PTPRN2: variants seen among roughly 807,000 people sequenced by gnomAD.
The protein encoded by PTPRN2 is receptor-type tyrosine-protein phosphatase N2.
Under a neutral mutation model 118.8 loss-of-function variants are expected in PTPRN2, and 74 were observed. The observed-to-expected ratio is 0.62, with a 90% CI of 0.52 to 0.76. The LOEUF is 0.76. PTPRN2 is among the 30% of genes least tolerant of loss of function. The pLI is 0.00. For synonymous variants in PTPRN2, 641 were observed against 608.0 expected (o/e 1.05, Z -0.80); for missense variants, 1,481 against 1,394.4 (o/e 1.06, Z -0.99).
intron 10 of PTPRN2, among the ~76,000 whole-genome samples, chr7:158,107,082 T>C (rs1197476405): frequency 6.6e-6 from 1 of 152,124 alleles, no homozygotes; most frequent in African/African-American, 2.4e-5. Flanking sequence ...ACATGCACAC[T>C]TGTCTCTGTT....
Position 158,207,182 on chromosome 7 carries a change from C to T in PTPRN2, c.278-1909G>A, listed in dbSNP as rs547835155. On this transcript the variant is annotated intron_variant, in intron 3 of 22. Transcript: ENST00000389418. Reference sequence around the variant, plus strand: ...CATAGTATTCCATGGTGTATATGTGCCACATTTTCTTAATCCGGTCTATCA... The same window carrying T: ...CATAGTATTCCATGGTGTATATGTGTCACATTTTCTTAATCCGGTCTATCA... Among the ~76,000 whole-genome samples the T allele has an allele frequency of 7.0e-3, 1,000 of 142,406 alleles. 31 individuals carry two copies. The highest frequency in any genetic ancestry group is 0.048 in the Admixed American group (678 of 14,202). The allele number at this position is 142,406 out of a possible 152,430, so 93.4% of individuals were successfully genotyped here. A position where few individuals can be genotyped will look rare whatever the true frequency, so the allele number is the denominator to read the frequency against.
chr7:158,070,760 TGGAGGTGCTCATG>T (rs1811272595), intron 11 of PTPRN2, among the ~76,000 whole-genome samples: 1 of 99,892 alleles, frequency 1.0e-5, no homozygotes, highest in African/African-American at 4.5e-5. Flanking sequence ...CCCGTGGTGG[TGGAGGTGCTCATG>T]GTGGAGGTGC....
chr7:157,614,219 T>C (rs1283495547), intron 15 of PTPRN2: 2 of 426,866 alleles, frequency 4.7e-6, no homozygotes, highest in Non-Finnish European at 9.7e-6. Flanking sequence ...CTGTGGCCCG[T>C]GGCAAGGTCG....
At chr7:157,872,628 T>A (rs1455493428) in intron 12 of PTPRN2, among the ~76,000 whole-genome samples, 1 of 152,266 alleles carries the variant, frequency 6.6e-6, no homozygotes, top group Non-Finnish European at 1.5e-5. Flanking sequence ...GCCTCCTTGG[T>A]TTCCCGGTAT....
chr7:157,597,072 A>G (rs1563247111), intron 16 of PTPRN2, among the ~76,000 whole-genome samples: 1 of 152,186 alleles, frequency 6.6e-6, no homozygotes, highest in African/African-American at 2.4e-5. Flanking sequence ...TGTCAGCACA[A>G]AAGAAGGCAC....
intron 4 of PTPRN2, among the ~76,000 whole-genome samples, chr7:158,203,166 A>T (rs750531323): frequency 7.0e-5 from 9 of 128,424 alleles, no homozygotes; most frequent in Non-Finnish European, 1.4e-4. Flanking sequence ...CAAGAGGTGG[A>T]GGCTGTAGTG....
intron 1 of PTPRN2, among the ~76,000 whole-genome samples, chr7:158,518,313 G>A (rs770356591): frequency 6.6e-6 from 1 of 151,874 alleles, no homozygotes; most frequent in Non-Finnish European, 1.5e-5. Flanking sequence ...CGGATTTCAC[G>A]GGGTGGGAGA....
intron 11 of PTPRN2, among the ~76,000 whole-genome samples, chr7:158,071,733 G>GTGGTGGAGGTGCTCC (rs1563393166): frequency 4.0e-5 from 5 of 124,546 alleles, no homozygotes; most frequent in Non-Finnish European, 7.9e-5. Flanking sequence ...GGTGCTCGTG[G>GTGGTGGAGGTGCTCC]TGGTGGAGGT....
chr7:157,558,016 G>C (rs1193348045), intron 21 of PTPRN2, among the ~76,000 whole-genome samples: 1 of 141,592 alleles, frequency 7.1e-6, no homozygotes, highest in African/African-American at 2.6e-5. Context: ...TACTGTTGAG[G>C]TGCTGGCAGC....
intron 2 of PTPRN2, among the ~76,000 whole-genome samples, chr7:158,340,661 G>T (rs1366383830): frequency 2.1e-5 from 2 of 96,082 alleles, no homozygotes; most frequent in East Asian, 6.6e-4. Context: ...GCCCGCAGAC[G>T]TCACTCACAC....
intron 12 of PTPRN2, among the ~76,000 whole-genome samples, chr7:157,826,535 C>T (rs1034059091): frequency 3.4e-4 from 47 of 139,104 alleles, no homozygotes; most frequent in Admixed American, 5.0e-4. Flanking sequence ...CAATCGCGAG[C>T]GCCATTTCCA....
At chr7:158,005,717 G>A (rs1454277601) in intron 11 of PTPRN2, among the ~76,000 whole-genome samples, 3 of 152,198 alleles carry the variant, frequency 2.0e-5, no homozygotes, top group Non-Finnish European at 2.9e-5. Flanking sequence ...GGTGGTGCTC[G>A]TGGCCCACGA....
intron 1 of PTPRN2, among the ~76,000 whole-genome samples, chr7:158,573,812 C>T (rs1228279100): frequency 6.6e-6 from 1 of 152,098 alleles, no homozygotes; most frequent in Non-Finnish European, 1.5e-5. Flanking sequence ...CCCCACGAGA[C>T]CCCACAGCAA....
chr7:158,255,134 C>T (rs558624026), intron 3 of PTPRN2, among the ~76,000 whole-genome samples: 3 of 152,334 alleles, frequency 2.0e-5, no homozygotes, highest in African/African-American at 4.8e-5. Context: ...GAAGCCCCTG[C>T]AGGCTTCACG....
chr7:158,483,189 A>G (rs1820764893), intron 2 of PTPRN2, among the ~76,000 whole-genome samples: 1 of 152,226 alleles, frequency 6.6e-6, no homozygotes, highest in South Asian at 2.1e-4. Flanking sequence ...CCGGTATTAA[A>G]TAAGTGGGTA....
chr7:157,561,384 C>T (rs1302510542), intron 21 of PTPRN2, among the ~76,000 whole-genome samples: 2 of 152,256 alleles, frequency 1.3e-5, no homozygotes, highest in African/African-American at 2.4e-5. Flanking sequence ...CCCTCAGTTT[C>T]CTCTTCCTCC....
At chr7:158,551,250 C>G (rs1482806307) in intron 1 of PTPRN2, among the ~76,000 whole-genome samples, 1 of 152,238 alleles carries the variant, frequency 6.6e-6, no homozygotes, top group African/African-American at 2.4e-5. Flanking sequence ...GGAGGGCAGC[C>G]GGCTCCCTCA....
intron 12 of PTPRN2, among the ~76,000 whole-genome samples, chr7:157,774,792 G>A (rs1211045685): frequency 6.6e-6 from 1 of 152,184 alleles, no homozygotes; most frequent in African/African-American, 2.4e-5. Flanking sequence ...AAGATGAGGG[G>A]ACCAGTCCGA....
chr7:157,617,432 G>A lies in PTPRN2; in HGVS notation c.2344+3930C>T, dbSNP rs990133891. On this transcript the variant is annotated intron_variant, in intron 15 of 22. Transcript: ENST00000389418. This position sits in a 1 kb window ranked among gnomAD's most constrained non-coding sequence, Gnocchi z 7.5. The stretch of plus-strand genomic sequence containing the variant: ...CCAGTGATGCCGTGGTTAGGACGCC[G>A]TTCACGCAGCTGCAGCGCAGAGCAC... 4 of 147,012 alleles carry A rather than the reference G, an allele frequency of 2.7e-5. No individual in the cohort carries two copies. Among genetic ancestry groups the A allele is most frequent in the Admixed American group, 6.8e-5 (1 of 14,734 alleles). 9.1% of individuals were successfully genotyped at this position (147,012 alleles called of 1,614,324 possible).
Sources: gnomAD v4.1 joint callset for allele counts (sites outside exome capture counted in the v4.1 genomes callset) on GRCh38, gnomAD v4.1.1 for gene constraint, Gnocchi (gnomAD v3.1) non-coding constraint, MANE v1.5 for transcripts, NCBI Gene and HGNC (gene_info 2026-07-23, HGNC 2026-07-21) for gene names.